The following ZNF512 variants were observed in gnomAD, a reference collection of about 807,000 sequenced individuals.
The protein encoded by ZNF512 is zinc finger protein 512.
A neutral mutation model predicts 77.5 loss-of-function variants in ZNF512; 25 were observed. The ratio of observed to expected loss-of-function variants is 0.32; its 90% confidence interval spans 0.23 to 0.45. The LOEUF (loss-of-function observed/expected upper bound fraction) is 0.45. ZNF512 is among the 20% of genes least tolerant of loss of function. The probability of loss-of-function intolerance (pLI) is 1.00; values close to 1 mark genes in which losing one functional copy is unlikely to be tolerated. For missense variants in ZNF512, 483 were observed against 692.6 expected, an observed-to-expected ratio of 0.70 and a Z score of 3.40; for synonymous variants, 246 against 239.9, an observed-to-expected ratio of 1.03 and a Z score of -0.24.
intron 11 of ZNF512, among the ~76,000 whole-genome samples, 183 bp from the exon 12 acceptor site, chr2:27,616,079 T>TTTTA (rs1283223323): frequency 6.6e-6 from 1 of 152,392 alleles, no homozygotes; most frequent in East Asian, 1.9e-4. Flanking sequence ...TTTCTTTTCT[T>TTTTA]TTTACCTTTC....
intron 2 of ZNF512, among the ~76,000 whole-genome samples, chr2:27,584,068 T>C (rs1366557177): frequency 3.3e-5 from 5 of 152,192 alleles, no homozygotes; most frequent in African/African-American, 4.8e-5. Context: ...GACTGAGGGA[T>C]TGAATTTTAA....
At chr2:27,610,544 G>GTGTATATATATATATATATA (rs1413007886) in intron 10 of ZNF512, among the ~76,000 whole-genome samples, 4 of 32,654 alleles carry the variant, frequency 1.2e-4, no homozygotes, top group African/African-American at 5.9e-4. Context: ...ATATGTGTGT[G>GTGTATATATATATATATATA]TATATATATA....
intron 11 of ZNF512, among the ~76,000 whole-genome samples, chr2:27,615,754 A>T (rs1405379536): frequency 2.0e-5 from 3 of 152,228 alleles, no homozygotes; most frequent in Non-Finnish European, 2.9e-5. Context: ...GATTCACAGG[A>T]AGGGTAAATA....
At chr2:27,590,738 T>C (rs1391473696) in intron 2 of ZNF512, among the ~76,000 whole-genome samples, 1 of 152,102 alleles carries the variant, frequency 6.6e-6, no homozygotes, top group Non-Finnish European at 1.5e-5. Flanking sequence ...CATTCATTGC[T>C]TGCTGGGCTG....
At chr2:27,601,671 G>A (rs532905232) in intron 7 of ZNF512, among the ~76,000 whole-genome samples, 1 of 151,420 alleles carries the variant, frequency 6.6e-6, no homozygotes, top group South Asian at 2.1e-4. Context: ...TTTTTGAGAC[G>A]GAGTTTCACT....
chr2:27,602,106 G>A (rs1169918363), intron 7 of ZNF512, among the ~76,000 whole-genome samples: 2 of 152,210 alleles, frequency 1.3e-5, no homozygotes, highest in African/African-American at 2.4e-5. Flanking sequence ...ACTTATGTGA[G>A]TGTAGATATC....
Position 27,607,915 on chromosome 2 carries a change from G to C in ZNF512, c.1007G>C (p.Gly336Ala). The C allele has an allele frequency of 1.2e-6, 2 of 1,614,108 alleles. No individual in the cohort carries two copies. Among genetic ancestry groups the C allele is most frequent in the Non-Finnish European group, 1.7e-6 (2 of 1,180,014 alleles). The change falls in exon 10 of 14, where the codon GGC becomes GCC. Residue 336 changes from glycine to alanine, a missense_variant. Transcript: ENST00000355467. ...KEMNLESKSG[G>A]RVQRRSAKIA... ...ATGAACCTAGAGTCAAAGAGTGGGG[G>C]CCGAGTTCAGAGACGTTCTGCCAAG...
intron 2 of ZNF512, among the ~76,000 whole-genome samples, chr2:27,591,009 T>G (rs1393049165): frequency 6.6e-6 from 1 of 152,218 alleles, no homozygotes; most frequent in Non-Finnish European, 1.5e-5. Context: ...ATTTTTTCTC[T>G]CAAAATTTTA....
rs530802216 is a variant in ZNF512 at position 27,586,310 on chromosome 2, A to G, written c.89+2594A>G. Among the ~76,000 whole-genome samples the G allele has an allele frequency of 3.9e-4, 58 of 149,130 alleles. 1 individual carries two copies. Among genetic ancestry groups the G allele is most frequent in the African/African-American group, 1.4e-3 (58 of 40,336 alleles). The stretch of plus-strand genomic sequence containing the variant: ...AGTGGCATGATCTCGGCTCACCACA[A>G]CCTCCACCTCCTGGGTTCAAGCAAT... On this transcript the variant is annotated intron_variant, in intron 2 of 13. Coordinates refer to ENST00000355467, the MANE Select transcript of ZNF512 (RefSeq NM_032434.4).
intron 2 of ZNF512, among the ~76,000 whole-genome samples, chr2:27,586,754 G>A (rs772736808): frequency 1.4e-4 from 21 of 152,144 alleles, no homozygotes; most frequent in Non-Finnish European, 2.6e-4. Flanking sequence ...GTTTGTTCAT[G>A]TCTCTGCCAT....
intron 10 of ZNF512, among the ~76,000 whole-genome samples, chr2:27,610,335 G>A (rs573604911): frequency 4.5e-4 from 66 of 147,262 alleles, no homozygotes; most frequent in Non-Finnish European, 5.7e-4. Context: ...CTGCACTCCA[G>A]CCTGGGTGAC....
intron 10 of ZNF512, among the ~76,000 whole-genome samples, chr2:27,613,468 C>A (rs1183658872): frequency 1.3e-5 from 2 of 151,518 alleles, no homozygotes; most frequent in East Asian, 3.9e-4. Context: ...TGGACTCCAG[C>A]CTGGGCAACA....
At chr2:27,617,799 C>T (rs1411602575) in intron 13 of ZNF512, among the ~76,000 whole-genome samples, 1 of 151,634 alleles carries the variant, frequency 6.6e-6, no homozygotes, top group Non-Finnish European at 1.5e-5. Flanking sequence ...CTAATCCCAG[C>T]ACTTTGGGAG....
At chr2:27,619,470 T>G (rs917572947) in intron 13 of ZNF512, among the ~76,000 whole-genome samples, 1 of 152,196 alleles carries the variant, frequency 6.6e-6, no homozygotes, top group African/African-American at 2.4e-5. Flanking sequence ...TCTATTTTCT[T>G]CCTAAAAAGT....
intron 11 of ZNF512, among the ~76,000 whole-genome samples, chr2:27,615,641 T>C (rs891440389): frequency 1.4e-4 from 22 of 152,196 alleles, no homozygotes; most frequent in African/African-American, 4.8e-4. Context: ...TATTTTGAGA[T>C]CATGAAAGCA....
chr2:27,605,526 A>C (rs759354304), intron 9 of ZNF512, among the ~76,000 whole-genome samples: 68 of 151,402 alleles, frequency 4.5e-4, no homozygotes, highest in Non-Finnish European at 8.6e-4. Flanking sequence ...CCCAGGCTGG[A>C]GTGCAGTGGC....
At chr2:27,612,105 A>G (rs1296072710) in intron 10 of ZNF512, among the ~76,000 whole-genome samples, 1 of 152,146 alleles carries the variant, frequency 6.6e-6, no homozygotes, top group African/African-American at 2.4e-5. Context: ...TATTTGTATA[A>G]GTAAAGACTC....
chr2:27,602,504 G>A lies in ZNF512; in HGVS notation c.711G>A (p.Glu237=). The A allele has an allele frequency of 1.9e-6, 3 of 1,614,080 alleles. No individual in the cohort carries two copies. The highest frequency in any genetic ancestry group is 2.5e-6 in the Non-Finnish European group (3 of 1,179,992). The stretch of plus-strand genomic sequence containing the variant: ...GAGATGAAATAGATGAGCCAAGTGA[G>A]AGGGAAAGGCTCCGAACAGTTCTAA... ...KAGDEIDEPS[E]RERLRTVLKR... Residue 237 remains glutamate (E), a synonymous_variant, in exon 8 of 14, where the codon GAG becomes GAA. Coordinates refer to ENST00000355467, the MANE Select transcript of ZNF512 (RefSeq NM_032434.4).
intron 7 of ZNF512, among the ~76,000 whole-genome samples, chr2:27,601,682 C>G (rs944870252): frequency 6.6e-6 from 1 of 151,352 alleles, no homozygotes; most frequent in Non-Finnish European, 1.5e-5. Context: ...GAGTTTCACT[C>G]TTGTTGCCCA....
Sources: gnomAD v4.1 joint callset for allele counts (sites outside exome capture counted in the v4.1 genomes callset) on GRCh38, gnomAD v4.1.1 for gene constraint, MANE v1.5 for transcripts, NCBI Gene and HGNC (gene_info 2026-07-23, HGNC 2026-07-21) for gene names.